ZNF658: variants seen among roughly 807,000 people sequenced by gnomAD.
The protein encoded by ZNF658 is zinc finger protein 658.
ZNF658 carries 46 observed loss-of-function variants against 78.0 expected under a neutral mutation model. The ratio of observed to expected loss-of-function variants is 0.59; its 90% CI spans 0.47 to 0.75. The LOEUF (loss-of-function observed/expected upper bound fraction) is 0.75, where lower values mean the gene tolerates loss of function less well. ZNF658 is among the 30% of genes least tolerant of loss of function. The pLI, the probability that ZNF658 is intolerant of heterozygous loss-of-function variation, is 0.00. For synonymous variants in ZNF658, 279 were observed against 408.4 expected, an observed-to-expected ratio of 0.68 and a Z score of 3.82; for missense variants, 785 against 1,189.3, an observed-to-expected ratio of 0.66 and a Z score of 5.00.
chr9:66,906,284 T>C (rs1229706435), intron 2 of ZNF658, among the ~76,000 whole-genome samples: 16 of 151,154 alleles, frequency 1.1e-4, no homozygotes, highest in Non-Finnish European at 2.2e-4. Flanking sequence ...AGGGTGACAG[T>C]TTAGGGCCTT....
chr9:66,917,698 G>A (rs1822367543), intron 4 of ZNF658, 107 bp from the exon 5 acceptor site: 4 of 1,058,594 alleles, frequency 3.8e-6, no homozygotes, highest in South Asian at 3.4e-5. Context: ...GGGTGACAGA[G>A]CAATACCCTA....
At chr9:66,905,863 TAA>T (rs1822068624) in intron 2 of ZNF658, among the ~76,000 whole-genome samples, 1 of 145,026 alleles carries the variant, frequency 6.9e-6, no homozygotes, top group African/African-American at 2.6e-5. Flanking sequence ...ATCGTCTGTT[TAA>T]GTCCAATGCC....
intron 2 of ZNF658, among the ~76,000 whole-genome samples, chr9:66,906,689 G>C (rs1396971432): frequency 6.6e-6 from 1 of 151,560 alleles, no homozygotes; most frequent in East Asian, 2.0e-4. Flanking sequence ...CTCATCCAGT[G>C]GATACCAGGC....
downstream of ZNF658, among the ~76,000 whole-genome samples, chr9:66,923,072 C>G (rs937863728): frequency 4.3e-4 from 64 of 149,424 alleles, no homozygotes; most frequent in Admixed American, 2.5e-3. Flanking sequence ...CATCTGCAAG[C>G]TGAGGAGCAA....
Position 66,918,406 on chromosome 9 carries a change from C to A in ZNF658, c.840C>A (p.Asp280Glu), listed in dbSNP as rs1822397135. The A allele has an allele frequency of 6.2e-7, 1 of 1,613,400 alleles. No individual in the cohort carries two copies. Among genetic ancestry groups the A allele is most frequent in the Non-Finnish European group, 8.5e-7 (1 of 1,179,626 alleles). Reference sequence around the variant, plus strand: ...TTAATGAATATGGGACATCCTGTGACAAAACCACCGCTGTTGAATACAATA... The same window carrying A: ...TTAATGAATATGGGACATCCTGTGAAAAAACCACCGCTGTTGAATACAATA... ...SDLNEYGTSCDKTTAVEYNKV... is the reference protein window; with the variant it reads ...SDLNEYGTSCEKTTAVEYNKV... The change falls in exon 5 of 5, where the codon GAC (aspartate) becomes GAA (glutamate). Residue 280 changes from aspartate to glutamate, a missense_variant. Asp to Glu is a conservative substitution (Grantham distance 45, BLOSUM62 2). This residue lies in a region of ZNF658 where 393 missense variants were observed against 400.2 expected (regional missense o/e 0.98). Coordinates refer to ENST00000621410, the MANE Select transcript of ZNF658 (RefSeq NM_033160.7).
At chr9:66,903,943 A>T (rs1822014843) in intron 2 of ZNF658, among the ~76,000 whole-genome samples, 1 of 152,170 alleles carries the variant, frequency 6.6e-6, no homozygotes, top group Admixed American at 6.5e-5. Context: ...GACTTAGTTA[A>T]TAAATTGCCA....
chr9:66,918,676 A>G lies in ZNF658; in HGVS notation c.1110A>G (p.Ala370=). The change falls in exon 5 of 5, where the codon GCA becomes GCG. Residue 370 remains alanine (A), a synonymous_variant. Transcript: ENST00000621410. ...TCTACCAGAAATTAGACTTTACAGC[A>G]CATCAGAGAATTCACACAGAAGATA... The part of the protein sequence containing the change: ...DALYQKLDFT[A]HQRIHTEDKF... The G allele has an allele frequency of 6.2e-7, 1 of 1,613,944 alleles. No homozygotes were observed.
In ZNF658 at chr9:66,920,882, G is replaced by T. The variant is rs1388666699; in HGVS notation, c.*136G>T. The T allele has an allele frequency of 1.4e-6, 1 of 732,566 alleles. No homozygotes were observed. Among genetic ancestry groups the T allele is most frequent in the Non-Finnish European group, 2.4e-6 (1 of 416,968 alleles). The allele number at this position is 732,566 out of a possible 1,614,324, so 45.4% of individuals were successfully genotyped here. On this transcript the variant is annotated 3_prime_UTR_variant, in exon 5 of 5. Coordinates refer to ENST00000621410, the MANE Select transcript of ZNF658 (RefSeq NM_033160.7). ...AAAATCCCAATATGCCGTTTATTCA[G>T]GTGGGGCTGACCATGGGATGTGGTG...
At chr9:66,929,317 C>T (rs1203518787) in intron 6 of ZNF658, among the ~76,000 whole-genome samples, 1 of 138,698 alleles carries the variant, frequency 7.2e-6, no homozygotes, top group East Asian at 2.1e-4. Context: ...AAGCTTATAA[C>T]CCCCAGGTCT....
intron 6 of ZNF658, among the ~76,000 whole-genome samples, chr9:66,927,210 T>C (rs916614197): frequency 3.4e-4 from 52 of 151,716 alleles, no homozygotes; most frequent in Non-Finnish European, 7.2e-4. Context: ...AGGACTTGAA[T>C]AGACATTTTT....
intron 6 of ZNF658, among the ~76,000 whole-genome samples, chr9:66,927,301 A>C (rs973612232): frequency 1.7e-4 from 26 of 150,820 alleles, no homozygotes; most frequent in Non-Finnish European, 2.7e-4. Flanking sequence ...TCAAAACCAC[A>C]ATGAAATATT....
chr9:66,908,150 G>C, intron 2 of ZNF658, 88 bp from the exon 3 acceptor site: 1 of 1,607,312 alleles, frequency 6.2e-7, no homozygotes. Flanking sequence ...CATTTTAGTA[G>C]TAGCTCTCAA....
At position 66,918,535 on chromosome 9, in the gene ZNF658, T is replaced by A; in HGVS notation, c.969T>A (p.Ser323Arg). 1 of 1,606,886 alleles carries A rather than the reference T, an allele frequency of 6.2e-7. No homozygotes were observed. Among genetic ancestry groups the A allele is most frequent in the Non-Finnish European group, 8.5e-7 (1 of 1,174,636 alleles). Reference protein sequence around the residue: ...TQSQRTITGWSAFESNKCEEN... With the variant: ...TQSQRTITGWRAFESNKCEEN... ...CTCAGAGAACTATTACAGGATGGAG[T>A]GCTTTTGAAAGCAATAAATGTGAAG... The change falls in exon 5 of 5, where the codon AGT becomes AGA. Residue 323 changes from serine (S) to arginine (R), a missense_variant. This residue lies in a region of ZNF658 where 393 missense variants were observed against 400.2 expected (regional missense o/e 0.98). Coordinates refer to ENST00000621410, the MANE Select transcript of ZNF658 (RefSeq NM_033160.7).
Position 66,904,035 on chromosome 9 carries a change from TC to T in ZNF658, c.15+461del, listed in dbSNP as rs1446155813. 2.0e-5 allele frequency among the ~76,000 whole-genome samples: 3 copies of T among 152,076 alleles called. No homozygotes were observed. In the East Asian group the frequency reaches 5.8e-4, roughly 29 times the overall value. On this transcript the variant is annotated intron_variant, in intron 2 of 4. Coordinates refer to ENST00000621410, the MANE Select transcript of ZNF658 (RefSeq NM_033160.7). ...ACGTTCAGTACTATTTTTCAAGTAC[TC>T]CAGTGCAAGGGTTGAATTTAACATT...
chr9:66,905,347 G>A (rs1822055827), intron 2 of ZNF658, among the ~76,000 whole-genome samples: 1 of 148,910 alleles, frequency 6.7e-6, no homozygotes, highest in South Asian at 2.1e-4. Context: ...TGAGATTACA[G>A]GTGTGAGCCA....
intron 4 of ZNF658, among the ~76,000 whole-genome samples, chr9:66,915,546 C>T (rs1382174913): frequency 6.6e-6 from 1 of 151,076 alleles, no homozygotes; most frequent in Non-Finnish European, 1.5e-5. Flanking sequence ...ATGTTGGCAC[C>T]CTAATCTCAG....
chr9:66,923,505 T>G (rs1403585607), downstream of ZNF658, among the ~76,000 whole-genome samples: 1 of 118,424 alleles, frequency 8.4e-6, no homozygotes, highest in Non-Finnish European at 1.8e-5. Context: ...TGGAGCAATG[T>G]GAAGGGGGAG....
chr9:66,907,353 C>G (rs1587356436), intron 2 of ZNF658, among the ~76,000 whole-genome samples: 1 of 152,094 alleles, frequency 6.6e-6, no homozygotes, highest in Admixed American at 6.6e-5. Context: ...TCTTCTTTCC[C>G]AGATACCAGT....
intron 6 of ZNF658, among the ~76,000 whole-genome samples, chr9:66,931,507 A>G (rs1248416303): frequency 2.0e-5 from 3 of 152,192 alleles, no homozygotes; most frequent in Middle Eastern, 3.4e-3. Context: ...ATCTAGTAGA[A>G]CCATAGAACA....
Sources: allele counts gnomAD v4.1 joint callset (sites outside exome capture counted in the v4.1 genomes callset), GRCh38; gene constraint gnomAD v4.1.1; regional missense constraint gnomAD v4.1.1; transcripts MANE v1.5; gene names NCBI Gene and HGNC (gene_info 2026-07-23, HGNC 2026-07-21).